The following GRM7 variants were observed in gnomAD, a reference collection of about 807,000 sequenced individuals.
GRM7 encodes the protein metabotropic glutamate receptor 7.
A neutral mutation model predicts 84.5 loss-of-function variants in GRM7; 35 were observed. The observed-to-expected ratio is 0.41, with a 90% CI of 0.32 to 0.55. The LOEUF is 0.55. GRM7 is among the 20% of genes least tolerant of loss of function. The pLI, the probability that GRM7 is intolerant of heterozygous loss-of-function variation, is 0.19. For synonymous variants in GRM7, 487 were observed against 455.1 expected (o/e 1.07, Z -0.89); for missense variants, 1,003 against 1,194.6 (o/e 0.84, Z 2.36).
At chr3:7,046,284 C>T (rs936220423) in intron 1 of GRM7, among the ~76,000 whole-genome samples, 1 of 152,016 alleles carries the variant, frequency 6.6e-6, no homozygotes, top group Non-Finnish European at 1.5e-5. Flanking sequence ...AAACAGGGCT[C>T]CCAGGTACGC....
chr3:6,890,046 G>A (rs935173495), intron 1 of GRM7, among the ~76,000 whole-genome samples: 18 of 152,188 alleles, frequency 1.2e-4, no homozygotes, highest in African/African-American at 4.1e-4. Flanking sequence ...TTCTCTGATG[G>A]TAGTTTGTAT....
chr3:7,138,688 C>T (rs1693847827), intron 1 of GRM7, among the ~76,000 whole-genome samples: 1 of 151,304 alleles, frequency 6.6e-6, no homozygotes, highest in Non-Finnish European at 1.5e-5. Context: ...TTCACAATTT[C>T]TTTAAATCAG....
At chr3:7,064,314 T>G (rs1463803273) in intron 1 of GRM7, among the ~76,000 whole-genome samples, 1 of 150,810 alleles carries the variant, frequency 6.6e-6, no homozygotes, top group South Asian at 2.1e-4. Flanking sequence ...AGCCCCCACA[T>G]ATCAGTGAGA....
chr3:7,162,728 CATTTTTTTTTTTTTTTT>C (rs1694665511), intron 2 of GRM7, among the ~76,000 whole-genome samples: 4 of 57,102 alleles, frequency 7.0e-5, no homozygotes, highest in African/African-American at 1.6e-4. Context: ...TCCCATTTTT[CATTTTTTTTTTTTTTTT>C]TTTTTTTTTT....
chr3:7,492,077 A>G (rs936643234), intron 7 of GRM7, among the ~76,000 whole-genome samples: 1 of 152,198 alleles, frequency 6.6e-6, no homozygotes, highest in African/African-American at 2.4e-5. Flanking sequence ...GTCATGGTGT[A>G]TAATTCTCTT....
chr3:7,689,733 A>C (rs1700727330), intron 9 of GRM7, among the ~76,000 whole-genome samples: 1 of 152,180 alleles, frequency 6.6e-6, no homozygotes, highest in Non-Finnish European at 1.5e-5. Flanking sequence ...AACTATGTCA[A>C]GTTTTACATA....
At chr3:7,001,716 C>T (rs1695020045) in intron 1 of GRM7, among the ~76,000 whole-genome samples, 1 of 152,100 alleles carries the variant, frequency 6.6e-6, no homozygotes, top group South Asian at 2.1e-4. Context: ...AGAACGTGCT[C>T]AATGTTAAGT....
intron 1 of GRM7, among the ~76,000 whole-genome samples, chr3:7,140,907 G>A (rs1693924885): frequency 6.6e-6 from 1 of 151,958 alleles, no homozygotes; most frequent in Non-Finnish European, 1.5e-5. Context: ...TGATCTAGGA[G>A]TTCCCTTTCA....
chr3:7,706,804 C>A (rs1701402853), intron 9 of GRM7, among the ~76,000 whole-genome samples: 1 of 152,126 alleles, frequency 6.6e-6, no homozygotes, highest in Admixed American at 6.6e-5. Flanking sequence ...TTGACTGACA[C>A]CATGTGACCC....
intron 2 of GRM7, among the ~76,000 whole-genome samples, chr3:7,277,211 C>T (rs1162161212): frequency 6.6e-6 from 1 of 151,986 alleles, no homozygotes; most frequent in Non-Finnish European, 1.5e-5. Context: ...TCACACTTAA[C>T]TGGGTAAGTT....
rs575367734 is a variant in GRM7 at position 6,867,666 on chromosome 3, A to G, written c.519+5759A>G. Among the ~76,000 whole-genome samples, 19 of 152,310 alleles carry G rather than the reference A, an allele frequency of 1.2e-4. No homozygotes were observed. In the South Asian group the frequency reaches 3.3e-3, roughly 27 times the overall value. On this transcript the variant is annotated intron_variant, in intron 1 of 9. Coordinates refer to ENST00000357716, the MANE Select transcript of GRM7 (RefSeq NM_000844.4). ...TAGACAATTAAAAACAGCTGCAAAC[A>G]TATTTCCCAACCACTAAAATGCATA...
intron 1 of GRM7, among the ~76,000 whole-genome samples, chr3:7,003,160 A>C (rs908730699): frequency 2.6e-5 from 4 of 152,188 alleles, no homozygotes; most frequent in Admixed American, 2.6e-4. Flanking sequence ...AACACAATTT[A>C]GTGATCTATT....
chr3:6,908,343 G>C (rs1696651440), intron 1 of GRM7, among the ~76,000 whole-genome samples: 1 of 152,204 alleles, frequency 6.6e-6, no homozygotes, highest in South Asian at 2.1e-4. Context: ...TGTGTACTTA[G>C]ATGATGTCTT....
intron 1 of GRM7, among the ~76,000 whole-genome samples, chr3:7,006,848 G>C (rs1248503789): frequency 6.6e-6 from 1 of 152,144 alleles, no homozygotes; most frequent in Non-Finnish European, 1.5e-5. Flanking sequence ...CTATGTGTTA[G>C]AATCTGAAGG....
chr3:7,724,114 G>C lies in GRM7; in HGVS notation c.2699-16243G>C, dbSNP rs554703720. On this transcript the variant is annotated intron_variant, in intron 9 of 9. Coordinates refer to ENST00000357716, the MANE Select transcript of GRM7 (RefSeq NM_000844.4). ...CCTGATATGTCTGGGCACAGGCTGT[G>C]TTGCTCTGATCAGCCATAGGTGCCC... is the stretch of plus-strand genomic sequence containing the variant. Among the ~76,000 whole-genome samples the C allele has an allele frequency of 3.9e-5, 6 of 152,254 alleles. No homozygotes were observed. The East Asian group carries it at 1.2e-3, about 29-fold the overall frequency.
At chr3:7,293,766 G>A (rs1327774650) in intron 2 of GRM7, among the ~76,000 whole-genome samples, 1 of 152,020 alleles carries the variant, frequency 6.6e-6, no homozygotes, top group Non-Finnish European at 1.5e-5. Flanking sequence ...TAGGTACATG[G>A]GACCATCATT....
intron 2 of GRM7, among the ~76,000 whole-genome samples, chr3:7,189,025 T>C (rs77457624): frequency 0.016 from 2,399 of 152,294 alleles, 45 homozygotes; most frequent in African/African-American, 0.046. Context: ...AGCCTTACTG[T>C]ATGGCCACCA....
At chr3:7,078,207 G>T (rs1261773756) in intron 1 of GRM7, among the ~76,000 whole-genome samples, 1 of 152,134 alleles carries the variant, frequency 6.6e-6, no homozygotes, top group Non-Finnish European at 1.5e-5. Flanking sequence ...AACTCTCCTA[G>T]GCTTGATTTC....
chr3:6,883,234 C>T (rs1204686292), intron 1 of GRM7, among the ~76,000 whole-genome samples: 1 of 151,888 alleles, frequency 6.6e-6, no homozygotes, highest in Admixed American at 6.6e-5. Flanking sequence ...GACCTTTATG[C>T]ATTTATTCAC....
Sources: allele counts gnomAD v4.1 joint callset (sites outside exome capture counted in the v4.1 genomes callset), GRCh38; gene constraint gnomAD v4.1.1; transcripts MANE v1.5; gene names NCBI Gene and HGNC (gene_info 2026-07-23, HGNC 2026-07-21).